SESN1: variants seen among roughly 807,000 people sequenced by gnomAD.
SESN1 encodes sestrin-1.
In SESN1, 30 loss-of-function variants were observed where a neutral mutation model predicts 59.3. That is an observed-to-expected ratio of 0.51 (90% CI 0.38 to 0.69). SESN1 has a LOEUF of 0.69. SESN1 is among the 30% of genes least tolerant of loss of function. The pLI, the probability that SESN1 is intolerant of heterozygous loss-of-function variation, is 0.00. For synonymous variants in SESN1, 197 were observed against 219.9 expected (o/e 0.90, Z 0.92); for missense variants, 566 against 673.0 (o/e 0.84, Z 1.76).
intron 1 of SESN1, among the ~76,000 whole-genome samples, chr6:109,092,453 C>A (rs1056217545): frequency 6.6e-6 from 1 of 152,140 alleles, no homozygotes; most frequent in Admixed American, 6.5e-5. Flanking sequence ...ACTCTTAACA[C>A]GATTGGTTAT....
intron 1 of SESN1, among the ~76,000 whole-genome samples, chr6:109,050,756 C>A (rs1222649100): frequency 6.6e-6 from 1 of 152,204 alleles, no homozygotes; most frequent in African/African-American, 2.4e-5. Flanking sequence ...GAGCTATCTT[C>A]TTTTAGTAAT....
chr6:109,010,359 C>T (rs1198582464), intron 1 of SESN1, among the ~76,000 whole-genome samples: 1 of 152,182 alleles, frequency 6.6e-6, no homozygotes, highest in Non-Finnish European at 1.5e-5. Context: ...ACTCTATTCT[C>T]TCTCTTTAAA....
At chr6:109,090,837 A>G (rs1403299151) in intron 1 of SESN1, among the ~76,000 whole-genome samples, 5 of 152,176 alleles carry the variant, frequency 3.3e-5, no homozygotes, top group Admixed American at 3.3e-4. Context: ...TGAGACAATC[A>G]CAGCTCACTG....
chr6:109,086,292 C>T (rs1781212265), intron 1 of SESN1, among the ~76,000 whole-genome samples: 2 of 152,110 alleles, frequency 1.3e-5, no homozygotes, highest in Admixed American at 1.3e-4. Flanking sequence ...GTGGAGGTTG[C>T]AGACAGCCAA....
In SESN1 at chr6:109,094,266, C is replaced by T. The variant is rs1781424475; in HGVS notation, c.-193G>A. On this transcript the variant is annotated 5_prime_UTR_variant, in exon 1 of 10. Coordinates refer to ENST00000436639, the MANE Select transcript of SESN1 (RefSeq NM_014454.3). ...ACAAGCTAGGTCACCCTCTCACCCTCTCCTTGTACACGAAAGGGCAGTCTT... is the reference window on the plus strand; with the variant it reads ...ACAAGCTAGGTCACCCTCTCACCCTTTCCTTGTACACGAAAGGGCAGTCTT... The T allele has an allele frequency of 3.3e-6, 2 of 603,418 alleles. No homozygotes were observed. Among genetic ancestry groups the T allele is most frequent in the East Asian group, 2.8e-5 (1 of 35,388 alleles). 37.4% of individuals were successfully genotyped at this position (603,418 alleles called of 1,614,324 possible). A position where few individuals can be genotyped will look rare whatever the true frequency, so the allele number is the denominator to read the frequency against.
chr6:109,094,136 G>T lies in SESN1; in HGVS notation c.-63C>A. 1 of 1,488,766 alleles carries T rather than the reference G, an allele frequency of 6.7e-7. No homozygotes were observed. The highest frequency in any genetic ancestry group is 9.1e-7 in the Non-Finnish European group (1 of 1,104,026). The allele number at this position is 1,488,766 out of a possible 1,614,324, so 92.2% of individuals were successfully genotyped here. A position where few individuals can be genotyped will look rare whatever the true frequency, so the allele number is the denominator to read the frequency against. On this transcript the variant is annotated 5_prime_UTR_variant, in exon 1 of 10. Coordinates refer to ENST00000436639, the MANE Select transcript of SESN1 (RefSeq NM_014454.3). The stretch of plus-strand genomic sequence containing the variant: ...CAGCATGCCCCAAAAAAATTGCTTT[G>T]TATTTTTAAAATGAAAAATGTAAAA...
At chr6:109,055,200 A>T (rs1199284384) in intron 1 of SESN1, among the ~76,000 whole-genome samples, 1 of 152,120 alleles carries the variant, frequency 6.6e-6, no homozygotes, top group Non-Finnish European at 1.5e-5. Context: ...GGGTAGGATA[A>T]CCCTGGTCCT....
intron 1 of SESN1, among the ~76,000 whole-genome samples, chr6:109,072,331 G>C (rs1392320954): frequency 6.6e-6 from 1 of 152,144 alleles, no homozygotes; most frequent in Non-Finnish European, 1.5e-5. Flanking sequence ...TATTTTTATT[G>C]TATAGTGGGT....
At chr6:109,001,070 A>G (rs1415529178) in intron 3 of SESN1, among the ~76,000 whole-genome samples, 3 of 152,202 alleles carry the variant, frequency 2.0e-5, no homozygotes, top group African/African-American at 7.2e-5. Context: ...TACTTATTTA[A>G]TGAAGAATGG....
intron 1 of SESN1, among the ~76,000 whole-genome samples, chr6:109,040,129 A>T (rs1284724951): frequency 6.6e-6 from 1 of 152,214 alleles, no homozygotes; most frequent in Non-Finnish European, 1.5e-5. Context: ...GAGATAAGAG[A>T]TTATTATTTG....
chr6:109,048,103 T>C (rs1028806516), intron 1 of SESN1, among the ~76,000 whole-genome samples: 1 of 128,198 alleles, frequency 7.8e-6, no homozygotes, highest in African/African-American at 3.0e-5. Flanking sequence ...AAAAAATAAA[T>C]TAAAAAAAAA....
chr6:109,083,762 T>C (rs1202791845), intron 1 of SESN1, among the ~76,000 whole-genome samples: 2 of 152,202 alleles, frequency 1.3e-5, no homozygotes, highest in African/African-American at 4.8e-5. Context: ...AATATGTCCT[T>C]CGGTACCATT....
rs1779124558 is a variant in SESN1 at position 108,984,355 on chromosome 6, G to A, written c.*3189C>T. ...TTATTGCTCACAGTTTTGGAGGCTG[G>A]GAAGTCCGATATCAAGGATTTAGTG... On this transcript the variant is annotated 3_prime_UTR_variant, in exon 10 of 10. Coordinates refer to ENST00000436639, the MANE Select transcript of SESN1 (RefSeq NM_014454.3). Among the ~76,000 whole-genome samples, 1 of 152,118 alleles carries A rather than the reference G, an allele frequency of 6.6e-6. No homozygotes were observed. Among genetic ancestry groups the A allele is most frequent in the South Asian group, 2.1e-4 (1 of 4,826 alleles).
At chr6:109,065,356 CTCAT>C (rs1356056559) in intron 1 of SESN1, among the ~76,000 whole-genome samples, 16 of 152,172 alleles carry the variant, frequency 1.1e-4, no homozygotes, top group East Asian at 1.9e-4. Context: ...TTTTCATTTA[CTCAT>C]TCAATTTTCA....
At position 108,986,064 on chromosome 6, in the gene SESN1, G is replaced by GTAAC. The variant is rs1351536183; in HGVS notation, c.*1476_*1479dup. On this transcript the variant is annotated 3_prime_UTR_variant, in exon 10 of 10. Transcript: ENST00000436639. ...TTGAGCTCAATAAATGTTTTGAGGAGTAACTAACAGAGTTATCATCACAAC... is the reference window on the plus strand; with the variant it reads ...TTGAGCTCAATAAATGTTTTGAGGAGTAACTAACTAACAGAGTTATCATCACAAC... 4.0e-5 allele frequency among the ~76,000 whole-genome samples: 6 copies of GTAAC among 150,800 alleles called. No homozygotes were observed. In the East Asian group the frequency reaches 1.2e-3, roughly 29 times the overall value.
intron 4 of SESN1, 122 bp from the exon 5 acceptor site, chr6:108,998,877 T>C (rs766900250): frequency 3.3e-6 from 4 of 1,219,262 alleles, no homozygotes; most frequent in Non-Finnish European, 4.4e-6. Context: ...CATAAAATTA[T>C]CATTTGAAAC....
rs536049225 is a variant in SESN1, at chr6:109,086,219, C to T, written c.279+7576G>A. ...ACTAAAAACTAGCTGGGTGTGGTGG[C>T]GCATACCTGTAATCCCAGCTACTCG... On this transcript the variant is annotated intron_variant, in intron 1 of 9. Coordinates refer to ENST00000436639, the MANE Select transcript of SESN1 (RefSeq NM_014454.3). 9.2e-5 allele frequency among the ~76,000 whole-genome samples: 14 copies of T among 152,078 alleles called. 1 individual carries two copies. Among genetic ancestry groups the T allele is most frequent in the Middle Eastern group, 3.4e-3 (1 of 292 alleles).
At position 109,001,379 on chromosome 6, in the gene SESN1, T is replaced by A; in HGVS notation, c.455A>T (p.Gln152Leu). The part of the protein sequence containing the change: ...NITLVMVFHP[Q>L]YLESFLKTQH... The stretch of plus-strand genomic sequence containing the variant: ...AGTTTTTAAGAAACTTTCTAAATAT[T>A]GTGGGTGGAAAACCATCACTAACGT... The change falls in exon 3 of 10, where the codon CAA becomes CTA. Residue 152 changes from glutamine to leucine, a missense_variant. Transcript: ENST00000436639. 6.2e-7 allele frequency: 1 copy of A among 1,613,886 alleles called. No individual in the cohort carries two copies. The highest frequency in any genetic ancestry group is 8.5e-7 in the Non-Finnish European group (1 of 1,179,820).
chr6:109,085,803 T>C (rs974200228), intron 1 of SESN1, among the ~76,000 whole-genome samples: 6 of 152,156 alleles, frequency 3.9e-5, no homozygotes, highest in African/African-American at 1.4e-4. Flanking sequence ...GAGATTAGAA[T>C]TGGTGGCAAA....
Sources: allele counts gnomAD v4.1 joint callset (sites outside exome capture counted in the v4.1 genomes callset), GRCh38; gene constraint gnomAD v4.1.1; transcripts MANE v1.5; gene names NCBI Gene and HGNC (gene_info 2026-07-23, HGNC 2026-07-21).